Variants in EXOC4 observed in about 807,000 individuals in gnomAD.
EXOC4 encodes the protein SEC8-like 1.
Under a neutral mutation model 107.2 loss-of-function variants are expected in EXOC4, and 71 were observed. That is an observed-to-expected ratio of 0.66 (90% confidence interval 0.55 to 0.81). EXOC4 has a LOEUF of 0.81. EXOC4 is among the 30% of genes least tolerant of loss of function. The probability of loss-of-function intolerance (pLI) is 0.00; values close to 1 mark genes in which losing one functional copy is unlikely to be tolerated. For synonymous variants in EXOC4, 456 were observed against 441.2 expected (o/e 1.03, Z -0.42); for missense variants, 1,108 against 1,189.6 (o/e 0.93, Z 1.01).
At chr7:133,750,503 G>A (rs888143679) in intron 10 of EXOC4, among the ~76,000 whole-genome samples, 1 of 152,054 alleles carries the variant, frequency 6.6e-6, no homozygotes, top group African/African-American at 2.4e-5. Flanking sequence ...GAGGAATCCA[G>A]CTTTAAAACT....
intron 7 of EXOC4, among the ~76,000 whole-genome samples, chr7:133,473,663 A>G (rs1033052941): frequency 1.3e-5 from 2 of 151,074 alleles, no homozygotes; most frequent in Admixed American, 1.3e-4. Context: ...GTGTCTTTAT[A>G]GGCGAAGTGA....
At chr7:133,639,280 C>G (rs1221761496) in intron 10 of EXOC4, among the ~76,000 whole-genome samples, 3 of 152,264 alleles carry the variant, frequency 2.0e-5, no homozygotes, top group Admixed American at 1.3e-4. Context: ...CACACACCCC[C>G]TCTTTCCGAT....
intron 10 of EXOC4, among the ~76,000 whole-genome samples, chr7:133,633,120 T>G (rs1802629043): frequency 6.6e-6 from 1 of 152,160 alleles, no homozygotes; most frequent in Admixed American, 6.5e-5. Context: ...AGCTCCTCTC[T>G]TGGTAGCTGC....
chr7:133,473,577 G>A (rs546960636), intron 7 of EXOC4, among the ~76,000 whole-genome samples: 4 of 151,906 alleles, frequency 2.6e-5, no homozygotes, highest in Non-Finnish European at 4.4e-5. Context: ...GTCTGGTATT[G>A]GTATAGCAAA....
chr7:133,353,742 T>C (rs1795962317), intron 5 of EXOC4, among the ~76,000 whole-genome samples: 1 of 152,122 alleles, frequency 6.6e-6, no homozygotes, highest in Non-Finnish European at 1.5e-5. Context: ...TTTCTCTCTT[T>C]CTTCTCCTTT....
intron 9 of EXOC4, among the ~76,000 whole-genome samples, chr7:133,584,613 CTG>C (rs1251748105): frequency 5.6e-4 from 71 of 127,778 alleles, no homozygotes; most frequent in African/African-American, 2.1e-3. Flanking sequence ...GAGTCTCGCT[CTG>C]TTGCCCAGGC....
chr7:133,511,858 G>A (rs184988477), intron 9 of EXOC4, among the ~76,000 whole-genome samples: 4 of 150,514 alleles, frequency 2.7e-5, no homozygotes, highest in Admixed American at 6.6e-5. Context: ...GCAAATGCAG[G>A]CACAGTACCT....
chr7:133,804,486 T>TA (rs1389635816), intron 10 of EXOC4, among the ~76,000 whole-genome samples: 1 of 152,182 alleles, frequency 6.6e-6, no homozygotes, highest in Non-Finnish European at 1.5e-5. Context: ...GGTTGCCAGA[T>TA]AGGCCCATTA....
At chr7:134,086,724 A>G in the EXOC4 span, among the ~76,000 whole-genome samples, 2 of 152,196 alleles carry the variant, frequency 1.3e-5, no homozygotes, top group Non-Finnish European at 2.9e-5. Context: ...AGTCCACAGT[A>G]CAAAGCAAAA....
chr7:133,923,653 A>G (rs757071735), intron 13 of EXOC4, among the ~76,000 whole-genome samples: 1 of 152,166 alleles, frequency 6.6e-6, no homozygotes, highest in African/African-American at 2.4e-5. Flanking sequence ...TCTGGATGTA[A>G]CATCTTTGAG....
intron 9 of EXOC4, among the ~76,000 whole-genome samples, chr7:133,575,964 T>C (rs926215020): frequency 3.3e-5 from 5 of 152,228 alleles, no homozygotes; most frequent in African/African-American, 1.2e-4. Context: ...GTGACTGTGT[T>C]GCTGACAGAT....
At chr7:133,316,969 G>C (rs1472450644) in intron 4 of EXOC4, among the ~76,000 whole-genome samples, 1 of 152,188 alleles carries the variant, frequency 6.6e-6, no homozygotes, top group Non-Finnish European at 1.5e-5. Flanking sequence ...GCCTGGCATA[G>C]TGTTATTACA....
At chr7:133,733,957 A>G (rs1402438195) in intron 10 of EXOC4, among the ~76,000 whole-genome samples, 3 of 152,236 alleles carry the variant, frequency 2.0e-5, no homozygotes. Flanking sequence ...ATATTTAAAT[A>G]AAATCCTTAG....
intron 11 of EXOC4, among the ~76,000 whole-genome samples, chr7:133,888,497 C>T (rs1025095226): frequency 6.6e-6 from 1 of 152,170 alleles, no homozygotes; most frequent in African/African-American, 2.4e-5. Context: ...GAGGCATGAA[C>T]TAATGGTTTA....
At chr7:133,830,015 C>T (rs1797776486) in intron 11 of EXOC4, among the ~76,000 whole-genome samples, 1 of 152,126 alleles carries the variant, frequency 6.6e-6, no homozygotes, top group East Asian at 1.9e-4. Flanking sequence ...ACAGCTATTC[C>T]CCTGATGGAT....
chr7:133,542,780 T>G (rs1159262309), intron 9 of EXOC4, among the ~76,000 whole-genome samples: 2 of 152,162 alleles, frequency 1.3e-5, no homozygotes, highest in Non-Finnish European at 2.9e-5. Flanking sequence ...TGATTTGAAA[T>G]GGTTTGAAAC....
chr7:134,006,402 T>G (rs1239261953), intron 16 of EXOC4, among the ~76,000 whole-genome samples: 1 of 147,880 alleles, frequency 6.8e-6, no homozygotes, highest in Non-Finnish European at 1.5e-5. Context: ...AGTTGTCTAG[T>G]TTTAAATGTA....
rs561336430 is a variant in EXOC4 at position 133,848,328 on chromosome 7, T to C, written c.1734+30784T>C. On this transcript the variant is annotated intron_variant, in intron 11 of 17. Coordinates refer to ENST00000253861, the MANE Select transcript of EXOC4 (RefSeq NM_021807.4). ...ATATCAACTCCGGCAGTCAATGAGG[T>C]GATGGGTATTATAGGTATTATAGCT... is the stretch of plus-strand genomic sequence containing the variant. Among the ~76,000 whole-genome samples, 107 of 152,228 alleles carry C rather than the reference T, an allele frequency of 7.0e-4. No homozygotes were observed. The South Asian group carries it at 0.011, about 16-fold the overall frequency.
intron 17 of EXOC4, among the ~76,000 whole-genome samples, chr7:134,039,676 A>G (rs1271050790): frequency 6.6e-6 from 1 of 152,162 alleles, no homozygotes; most frequent in Non-Finnish European, 1.5e-5. Flanking sequence ...AACCATGGGA[A>G]TACAGTCTCA....
Sources: gnomAD v4.1 joint callset for allele counts (sites outside exome capture counted in the v4.1 genomes callset) on GRCh38, gnomAD v4.1.1 for gene constraint, MANE v1.5 for transcripts, NCBI Gene and HGNC (gene_info 2026-07-23, HGNC 2026-07-21) for gene names.